Variants in MACROD2 observed in about 807,000 individuals in gnomAD.
MACROD2 encodes the protein mono-ADP ribosylhydrolase 2.
Under a neutral mutation model 70.4 loss-of-function variants are expected in MACROD2, and 36 were observed. That is an observed-to-expected ratio of 0.51 (90% CI 0.39 to 0.68). The LOEUF (loss-of-function observed/expected upper bound fraction) is 0.68. Among genes scored for constraint, MACROD2 ranks in the 30% least tolerant of loss-of-function variants. MACROD2 has a pLI of 0.00. For synonymous variants in MACROD2, 172 were observed against 178.8 expected (o/e 0.96, Z 0.30); for missense variants, 496 against 538.4 (o/e 0.92, Z 0.78).
intron 5 of MACROD2, among the ~76,000 whole-genome samples, chr20:14,741,316 G>A (rs939391130): frequency 1.4e-4 from 22 of 152,106 alleles, no homozygotes; most frequent in Non-Finnish European, 2.5e-4. Context: ...ATTATTTTTA[G>A]TTTCATAAGC....
At chr20:14,675,728 C>T (rs959124804) in intron 4 of MACROD2, among the ~76,000 whole-genome samples, 30 of 152,038 alleles carry the variant, frequency 2.0e-4, no homozygotes, top group Non-Finnish European at 5.9e-5. Flanking sequence ...TATAAACAGG[C>T]TAAATGCCCC....
At chr20:14,550,481 G>A (rs1469292048) in intron 4 of MACROD2, among the ~76,000 whole-genome samples, 1 of 152,148 alleles carries the variant, frequency 6.6e-6, no homozygotes, top group Non-Finnish European at 1.5e-5. Flanking sequence ...CTTCAGCCAT[G>A]CGAGGTCACA....
intron 15 of MACROD2, among the ~76,000 whole-genome samples, chr20:16,029,255 T>G (rs1434187546): frequency 6.6e-6 from 1 of 152,214 alleles, no homozygotes; most frequent in African/African-American, 2.4e-5. Context: ...AACCTTTGAA[T>G]TTTGGGAGGA....
chr20:14,981,338 A>T (rs114080526), intron 5 of MACROD2, among the ~76,000 whole-genome samples: 1 of 151,384 alleles, frequency 6.6e-6, no homozygotes, highest in Non-Finnish European at 1.5e-5. Flanking sequence ...CACCTGGGTA[A>T]GTTTCACTTT....
chr20:14,517,836 T>A (rs1157851667), intron 4 of MACROD2, among the ~76,000 whole-genome samples: 1 of 152,184 alleles, frequency 6.6e-6, no homozygotes, highest in Non-Finnish European at 1.5e-5. Flanking sequence ...TCTATCCTTT[T>A]CTGGTATATA....
intron 3 of MACROD2, among the ~76,000 whole-genome samples, chr20:14,438,999 T>C (rs1223065408): frequency 6.6e-6 from 1 of 151,990 alleles, no homozygotes; most frequent in Non-Finnish European, 1.5e-5. Flanking sequence ...GCCAAGGAGG[T>C]TTTTCCGTAT....
chr20:14,219,124 A>T (rs558232888), intron 3 of MACROD2, among the ~76,000 whole-genome samples: 2 of 152,164 alleles, frequency 1.3e-5, no homozygotes, highest in African/African-American at 4.8e-5. Context: ...TCCCCCAAAT[A>T]TGTTTTCCGA....
intron 5 of MACROD2, among the ~76,000 whole-genome samples, chr20:14,758,398 C>T (rs996173909): frequency 6.6e-6 from 1 of 152,122 alleles, no homozygotes; most frequent in Non-Finnish European, 1.5e-5. Context: ...CTGAGCTTCA[C>T]GGCTTATTAA....
At chr20:15,380,147 AC>A (rs2045621969) in intron 6 of MACROD2, among the ~76,000 whole-genome samples, 1 of 149,274 alleles carries the variant, frequency 6.7e-6, no homozygotes, top group Non-Finnish European at 1.5e-5. Context: ...CTAAATAGCC[AC>A]CCCCATCTGT....
At chr20:14,317,474 G>A (rs1490572147) in intron 3 of MACROD2, among the ~76,000 whole-genome samples, 1 of 151,982 alleles carries the variant, frequency 6.6e-6, no homozygotes, top group Non-Finnish European at 1.5e-5. Context: ...AAATTAGCTG[G>A]GGGTGGTGGC....
At chr20:15,359,834 A>T (rs540933526) in intron 6 of MACROD2, among the ~76,000 whole-genome samples, 2 of 152,178 alleles carry the variant, frequency 1.3e-5, no homozygotes, top group African/African-American at 4.8e-5. Context: ...CATTTTGCGT[A>T]ACTAGGTTTC....
Position 14,728,785 on chromosome 20 carries a change from T to C in MACROD2, c.418+43826T>C, listed in dbSNP as rs1206443889. On this transcript the variant is annotated intron_variant, in intron 5 of 17. Transcript: ENST00000684519. The stretch of plus-strand genomic sequence containing the variant: ...GAGAAACAAATTAGTTGATAAATTA[T>C]TATAAGCTTCTTATAATAATGTCAA... 2.0e-5 allele frequency among the ~76,000 whole-genome samples: 3 copies of C among 152,206 alleles called. No individual in the cohort carries two copies. In the East Asian group the frequency reaches 5.8e-4, roughly 29 times the overall value.
At chr20:14,230,654 T>TATATATATATATATATATATATAAAAA in intron 3 of MACROD2, among the ~76,000 whole-genome samples, 2 of 74,242 alleles carry the variant, frequency 2.7e-5, no homozygotes, top group Admixed American at 1.8e-4. Flanking sequence ...TATATATATA[T>TATATATATATATATATATATATAAAAA]AACACAGGCT....
At chr20:14,872,060 G>A (rs552190203) in intron 5 of MACROD2, among the ~76,000 whole-genome samples, 2 of 152,018 alleles carry the variant, frequency 1.3e-5, no homozygotes, top group Non-Finnish European at 2.9e-5. Flanking sequence ...AGAGTCCCAC[G>A]CAGTAATATT....
intron 3 of MACROD2, among the ~76,000 whole-genome samples, chr20:14,382,059 GAT>G (rs1491568216): frequency 3.6e-5 from 4 of 110,742 alleles, no homozygotes; most frequent in South Asian, 3.3e-4. Context: ...TAATGGGATT[GAT>G]TTTTTTTTTT....
intron 3 of MACROD2, among the ~76,000 whole-genome samples, chr20:14,306,382 C>G (rs1185455030): frequency 6.6e-6 from 1 of 152,000 alleles, no homozygotes; most frequent in Non-Finnish European, 1.5e-5. Context: ...CTGTGTTGTG[C>G]TGTTAGAGAC....
chr20:15,934,971 G>A (rs369647851), intron 11 of MACROD2, among the ~76,000 whole-genome samples: 1 of 150,836 alleles, frequency 6.6e-6, no homozygotes, highest in Non-Finnish European at 1.5e-5. Context: ...TTACAGGCAC[G>A]AGCCACCACA....
At chr20:15,853,100 C>T (rs1042060933) in intron 8 of MACROD2, among the ~76,000 whole-genome samples, 4 of 152,132 alleles carry the variant, frequency 2.6e-5, no homozygotes, top group African/African-American at 2.4e-5. Context: ...GGCTATACCT[C>T]GTCTTAACCT....
At chr20:14,355,746 A>C (rs919064846) in intron 3 of MACROD2, among the ~76,000 whole-genome samples, 2 of 152,206 alleles carry the variant, frequency 1.3e-5, no homozygotes, top group African/African-American at 4.8e-5. Flanking sequence ...ATATTTTAAA[A>C]ATTAGCTTTC....
Sources: gnomAD v4.1 joint callset for allele counts (sites outside exome capture counted in the v4.1 genomes callset) on GRCh38, gnomAD v4.1.1 for gene constraint, MANE v1.5 for transcripts, NCBI Gene and HGNC (gene_info 2026-07-23, HGNC 2026-07-21) for gene names.